The following THSD4 variants were observed in gnomAD, a reference collection of about 807,000 sequenced individuals.
The protein encoded by THSD4 is thrombospondin type-1 domain-containing protein 4.
Under a neutral mutation model 119.0 loss-of-function variants are expected in THSD4, and 69 were observed. The ratio of observed to expected loss-of-function variants is 0.58; its 90% CI spans 0.48 to 0.71. The LOEUF is 0.71. Among genes scored for constraint, THSD4 ranks in the 30% least tolerant of loss-of-function variants. THSD4 has a pLI of 0.00. For missense variants in THSD4, 1,393 were observed against 1,391.1 expected (o/e 1.00, Z -0.02); for synonymous variants, 524 against 540.4 (o/e 0.97, Z 0.42).
intron 6 of THSD4, among the ~76,000 whole-genome samples, chr15:71,326,726 T>TATATATATA (rs1491127315): frequency 1.8e-4 from 16 of 87,976 alleles, no homozygotes; most frequent in South Asian, 4.6e-4. Flanking sequence ...TATATATATA[T>TATATATATA]TAGCTGGGTG....
At chr15:71,723,801 C>G (rs1428200967) in intron 8 of THSD4, among the ~76,000 whole-genome samples, 2 of 152,122 alleles carry the variant, frequency 1.3e-5, no homozygotes, top group African/African-American at 4.8e-5. Flanking sequence ...GGCACAGTGG[C>G]TCACACCTGT....
intron 7 of THSD4, among the ~76,000 whole-genome samples, chr15:71,650,482 G>A (rs1050205642): frequency 6.6e-5 from 10 of 152,116 alleles, no homozygotes; most frequent in Non-Finnish European, 1.5e-5. Context: ...CAGGGGGCCA[G>A]AGAAAATAAA....
At chr15:71,502,383 G>C (rs972766440) in intron 7 of THSD4, among the ~76,000 whole-genome samples, 1 of 152,194 alleles carries the variant, frequency 6.6e-6, no homozygotes, top group African/African-American at 2.4e-5. Context: ...AAAATAATGG[G>C]TATGTTTCTT....
chr15:71,154,796 G>A, intron 2 of THSD4, 67 bp from the exon 3 acceptor site: 1 of 1,521,404 alleles, frequency 6.6e-7, no homozygotes, highest in South Asian at 1.1e-5. Flanking sequence ...TGGCGATGCT[G>A]CCTTCCCTGG....
At chr15:71,402,065 A>G (rs1243902467) in intron 6 of THSD4, among the ~76,000 whole-genome samples, 1 of 149,666 alleles carries the variant, frequency 6.7e-6, no homozygotes, top group Non-Finnish European at 1.5e-5. Flanking sequence ...GAACACATGG[A>G]CACAGGGAGG....
At chr15:71,281,096 GGT>G (rs1311716257) in intron 6 of THSD4, among the ~76,000 whole-genome samples, 4 of 152,206 alleles carry the variant, frequency 2.6e-5, no homozygotes, top group South Asian at 2.1e-4. Context: ...TCAGACCTTA[GGT>G]GTTCATGGAT....
chr15:71,725,975 T>G (rs2052828155), intron 8 of THSD4, among the ~76,000 whole-genome samples: 1 of 152,100 alleles, frequency 6.6e-6, no homozygotes, highest in African/African-American at 2.4e-5. Flanking sequence ...GAGACGGGGT[T>G]TCTCCATTTG....
At chr15:71,385,206 C>T (rs2046280446) in intron 6 of THSD4, among the ~76,000 whole-genome samples, 1 of 152,130 alleles carries the variant, frequency 6.6e-6, no homozygotes, top group Non-Finnish European at 1.5e-5. Context: ...ACTAGGAGAG[C>T]TCTAGACACA....
At chr15:71,617,957 C>A (rs2050348399) in intron 7 of THSD4, among the ~76,000 whole-genome samples, 1 of 152,174 alleles carries the variant, frequency 6.6e-6, no homozygotes, top group Non-Finnish European at 1.5e-5. Context: ...TACCAATTCC[C>A]CCCTGGCTGG....
In THSD4 at chr15:71,393,878, G is replaced by A. The variant is rs139382605; in HGVS notation, c.1016-17809G>A. 2.9e-3 allele frequency among the ~76,000 whole-genome samples: 446 copies of A among 152,242 alleles called. 4 individuals are homozygous for A. In the Middle Eastern group the frequency reaches 0.034, roughly 12 times the overall value. ...AGACAGACTAGCTGATTTCTATAAG[G>A]AGTCTTCCTGCTCCAAGGTTCTCCG... is the stretch of plus-strand genomic sequence containing the variant. On this transcript the variant is annotated intron_variant, in intron 6 of 17. Transcript: ENST00000261862.
chr15:71,266,388 C>T lies in THSD4; in HGVS notation c.1015+9673C>T, dbSNP rs2044465831. On this transcript the variant is annotated intron_variant, in intron 6 of 17. Transcript: ENST00000261862. Reference sequence around the variant, plus strand: ...AGGGGCCTGACTGTTAGAAGGAAAACCAACAAACAGAAAGGAATAGCATCA... The same window carrying T: ...AGGGGCCTGACTGTTAGAAGGAAAATCAACAAACAGAAAGGAATAGCATCA... Among the ~76,000 whole-genome samples the T allele has an allele frequency of 2.0e-5, 3 of 152,092 alleles. No homozygotes were observed. The South Asian group carries it at 6.2e-4, about 32-fold the overall frequency.
chr15:71,242,503 C>G, intron 4 of THSD4, 146 bp from the exon 5 acceptor site: 1 of 814,282 alleles, frequency 1.2e-6, no homozygotes, highest in Non-Finnish European at 2.0e-6. Context: ...TTCTAAAATG[C>G]GTTCCCCCTG....
chr15:71,391,395 C>G (rs1188184641), intron 6 of THSD4, among the ~76,000 whole-genome samples: 1 of 152,134 alleles, frequency 6.6e-6, no homozygotes, highest in Non-Finnish European at 1.5e-5. Context: ...CCAGGCTGGT[C>G]TTGAGCTGCA....
intron 3 of THSD4, among the ~76,000 whole-genome samples, chr15:71,196,103 A>C (rs1411715013): frequency 6.6e-6 from 1 of 152,204 alleles, no homozygotes; most frequent in East Asian, 1.9e-4. Flanking sequence ...GCAGAAGGGC[A>C]AAAGGGCCGA....
intron 7 of THSD4, among the ~76,000 whole-genome samples, chr15:71,503,931 C>T (rs983417454): frequency 3.3e-5 from 5 of 152,176 alleles, no homozygotes; most frequent in Admixed American, 6.5e-5. Flanking sequence ...GCTGTAATTT[C>T]CTCACTAAAT....
intron 6 of THSD4, among the ~76,000 whole-genome samples, chr15:71,322,381 A>G (rs894668631): frequency 6.6e-6 from 1 of 152,182 alleles, no homozygotes; most frequent in African/African-American, 2.4e-5. Context: ...CAAGGAACAG[A>G]TCAGAAAAAC....
intron 8 of THSD4, among the ~76,000 whole-genome samples, chr15:71,697,856 C>T (rs1320321680): frequency 6.6e-6 from 1 of 151,902 alleles, no homozygotes; most frequent in African/African-American, 2.4e-5. Flanking sequence ...GATATGATGT[C>T]TCATCTTTGA....
intron 7 of THSD4, among the ~76,000 whole-genome samples, chr15:71,495,339 G>T (rs142600831): frequency 1.3e-5 from 2 of 152,218 alleles, no homozygotes; most frequent in African/African-American, 4.8e-5. Context: ...AAGAAAGCCC[G>T]CAAGTAGACA....
chr15:71,506,067 C>G (rs1051572246), intron 7 of THSD4, among the ~76,000 whole-genome samples: 3 of 152,172 alleles, frequency 2.0e-5, no homozygotes, highest in Non-Finnish European at 4.4e-5. Context: ...TGAATGTTTT[C>G]TTTCAAAAAG....
Sources: gnomAD v4.1 joint callset for allele counts (sites outside exome capture counted in the v4.1 genomes callset) on GRCh38, gnomAD v4.1.1 for gene constraint, MANE v1.5 for transcripts, NCBI Gene and HGNC (gene_info 2026-07-23, HGNC 2026-07-21) for gene names.